The following AK9 variants were observed in gnomAD, a reference collection of about 807,000 sequenced individuals.
AK9 encodes adenylate kinase 9.
AK9 carries 191 observed loss-of-function variants against 239.6 expected under a neutral mutation model. That is an observed-to-expected ratio of 0.80 (90% CI 0.71 to 0.90). AK9 has a LOEUF of 0.90. AK9 is among the 40% of genes least tolerant of loss of function. AK9 has a pLI of 0.00. For synonymous variants in AK9, 689 were observed against 721.0 expected (o/e 0.96, Z 0.71); for missense variants, 1,995 against 2,214.7 (o/e 0.90, Z 1.99).
At chr6:109,673,181 CAAAG>C (rs1771187545) in intron 3 of AK9, among the ~76,000 whole-genome samples, 1 of 151,810 alleles carries the variant, frequency 6.6e-6, no homozygotes, top group Non-Finnish European at 1.5e-5. Context: ...ACTTTTTGAA[CAAAG>C]AAAGAAGAAA....
chr6:109,672,209 G>C, intron 3 of AK9, 42 bp from the exon 4 acceptor site: 8 of 1,504,204 alleles, frequency 5.3e-6, no homozygotes, highest in Non-Finnish European at 7.3e-6. Flanking sequence ...CTGATATTAA[G>C]ATCACCAAAA....
In AK9 at chr6:109,542,177, A is replaced by G; in HGVS notation, c.3226-6T>C. On this transcript the variant is annotated splice_region_variant and splice_polypyrimidine_tract_variant and intron_variant, in intron 26 of 40. Transcript: ENST00000424296. ...GTAAGTTGTACTTCTGGAAGCTAAAAACAAAAATCAGAAAACAAAACAAGT... is the reference window on the plus strand; with the variant it reads ...GTAAGTTGTACTTCTGGAAGCTAAAGACAAAAATCAGAAAACAAAACAAGT... The G allele has an allele frequency of 6.3e-7, 1 of 1,580,116 alleles. No individual in the cohort carries two copies. Among genetic ancestry groups the G allele is most frequent in the East Asian group, 2.2e-5 (1 of 44,514 alleles).
chr6:109,587,325 T>C (rs746677731), intron 17 of AK9, among the ~76,000 whole-genome samples: 2 of 152,212 alleles, frequency 1.3e-5, no homozygotes, highest in Non-Finnish European at 2.9e-5. Context: ...CAAAACAACA[T>C]TGAGATATAA....
intron 8 of AK9, among the ~76,000 whole-genome samples, chr6:109,651,048 A>T (rs987260918): frequency 2.0e-5 from 3 of 151,606 alleles, no homozygotes; most frequent in African/African-American, 7.3e-5. Flanking sequence ...ACATGGACAC[A>T]GGAATGGGAA....
chr6:109,564,812 G>C lies in AK9; in HGVS notation c.2378C>G (p.Thr793Arg), dbSNP rs1251866755. 1.9e-6 allele frequency: 3 copies of C among 1,545,200 alleles called. No homozygotes were observed. The highest frequency in any genetic ancestry group is 2.6e-6 in the Non-Finnish European group (3 of 1,144,088). ...SEPIEETTVE[T>R]EIPKGSKEGL... ...CTCTTTGGATCCTTTTGGGATTTCT[G>C]TTTCCACTGTAGTTTCCTCGATAGG... The change falls in exon 22 of 41, where the codon ACA becomes AGA. Residue 793 changes from threonine to arginine, a missense_variant. Thr to Arg is a moderately conservative substitution (Grantham distance 71). This residue lies in a region of AK9 where 1,290 missense variants were observed against 1,392.7 expected (regional missense o/e 0.93). Coordinates refer to ENST00000424296, the MANE Select transcript of AK9 (RefSeq NM_001145128.3).
chr6:109,609,031 T>C (rs575361480), intron 17 of AK9, among the ~76,000 whole-genome samples: 27 of 152,300 alleles, frequency 1.8e-4, no homozygotes, highest in African/African-American at 6.3e-4. Context: ...TCTGGTCTTT[T>C]GAGAAATGAC....
At chr6:109,623,458 T>C (rs900113092) in intron 12 of AK9, among the ~76,000 whole-genome samples, 17 of 151,296 alleles carry the variant, frequency 1.1e-4, no homozygotes, top group South Asian at 2.1e-4. Context: ...GAGATCTACA[T>C]AGAAAGGAAC....
At chr6:109,647,520 G>T (rs11153206) in intron 8 of AK9, among the ~76,000 whole-genome samples, 1 of 151,880 alleles carries the variant, frequency 6.6e-6, no homozygotes, top group Non-Finnish European at 1.5e-5. Context: ...AAAGGGATCA[G>T]TTCAACAATA....
At chr6:109,563,525 T>C in intron 24 of AK9, 72 bp downstream of exon 24, 1 of 1,517,152 alleles carries the variant, frequency 6.6e-7, no homozygotes, top group Non-Finnish European at 8.8e-7. Flanking sequence ...CCAAAAGTGA[T>C]AGTTACCACT....
intron 10 of AK9, among the ~76,000 whole-genome samples, chr6:109,637,947 T>C (rs1205060415): frequency 6.6e-6 from 1 of 152,190 alleles, no homozygotes; most frequent in African/African-American, 2.4e-5. Context: ...GTTCAATCAG[T>C]CTGGGATTTG....
At chr6:109,667,935 G>A (rs868339038) in intron 5 of AK9, among the ~76,000 whole-genome samples, 2 of 152,190 alleles carry the variant, frequency 1.3e-5, no homozygotes, top group Non-Finnish European at 1.5e-5. Flanking sequence ...GGATGGCTGG[G>A]TCAAATGATA....
chr6:109,667,644 C>T (rs933716760), intron 5 of AK9, among the ~76,000 whole-genome samples: 7 of 151,440 alleles, frequency 4.6e-5, no homozygotes, highest in African/African-American at 1.2e-4. Flanking sequence ...TGAGTGAGAA[C>T]ATGCGGTGTT....
chr6:109,517,434 T>A (rs1230095625), intron 29 of AK9, among the ~76,000 whole-genome samples: 1 of 152,224 alleles, frequency 6.6e-6, no homozygotes. Context: ...AAATGTTACA[T>A]GTTTTTGATG....
At chr6:109,578,703 CA>C (rs1309004508) in intron 20 of AK9, among the ~76,000 whole-genome samples, 1 of 152,054 alleles carries the variant, frequency 6.6e-6, no homozygotes, top group Non-Finnish European at 1.5e-5. Flanking sequence ...CTCTTTGGAC[CA>C]CTTTTGCTGT....
At chr6:109,577,922 CT>C (rs1788319767) in intron 20 of AK9, among the ~76,000 whole-genome samples, 1 of 138,378 alleles carries the variant, frequency 7.2e-6, no homozygotes. Context: ...TTCTTTCTTT[CT>C]TTTCTTCCTT....
Position 109,553,096 on chromosome 6 carries a change from T to G in AK9, c.2752-2794A>C, listed in dbSNP as rs1378643546. 2.0e-5 allele frequency among the ~76,000 whole-genome samples: 3 copies of G among 152,226 alleles called. No individual in the cohort carries two copies. The East Asian group carries it at 5.8e-4, about 29-fold the overall frequency. On this transcript the variant is annotated intron_variant, in intron 24 of 40. Coordinates refer to ENST00000424296, the MANE Select transcript of AK9 (RefSeq NM_001145128.3). ...TTTTGGTACCAGTACCATGCTGTTT[T>G]GGTTACTGTAGCCTTGCAGCAAGCT...
chr6:109,575,637 C>G (rs1787973249), intron 20 of AK9, among the ~76,000 whole-genome samples: 1 of 152,092 alleles, frequency 6.6e-6, no homozygotes, highest in Non-Finnish European at 1.5e-5. Context: ...TGTCTGTTTA[C>G]TCTGCTGATT....
intron 8 of AK9, 124 bp downstream of exon 8, chr6:109,656,632 A>G (rs1272693096): frequency 7.0e-5 from 79 of 1,127,970 alleles, no homozygotes; most frequent in Non-Finnish European, 9.7e-5. Flanking sequence ...ACAGCTTTCT[A>G]CAAAGCTCAA....
chr6:109,662,707 A>G (rs1166691305), intron 5 of AK9, 44 bp from the exon 6 acceptor site: 1 of 1,053,718 alleles, frequency 9.5e-7, no homozygotes, highest in Non-Finnish European at 1.3e-6. Context: ...AAAATTATCA[A>G]CATATGAGGG....
Sources: allele counts gnomAD v4.1 joint callset (sites outside exome capture counted in the v4.1 genomes callset), GRCh38; gene constraint gnomAD v4.1.1; regional missense constraint gnomAD v4.1.1; transcripts MANE v1.5; gene names NCBI Gene and HGNC (gene_info 2026-07-23, HGNC 2026-07-21).